Variants in RGS6 observed in about 807,000 individuals in gnomAD.
The protein encoded by RGS6 is regulator of G-protein signaling 6.
In RGS6, 30 loss-of-function variants were observed where a neutral mutation model predicts 78.5. The observed-to-expected ratio is 0.38, with a 90% CI of 0.29 to 0.52. The LOEUF is 0.52. Among genes scored for constraint, RGS6 ranks in the 20% least tolerant of loss-of-function variants. The pLI is 0.85. For synonymous variants in RGS6, 206 were observed against 206.0 expected (o/e 1.00, Z 0.00); for missense variants, 495 against 609.7 (o/e 0.81, Z 1.98).
the RGS6 span, among the ~76,000 whole-genome samples, chr14:71,894,243 T>C: frequency 6.6e-6 from 1 of 152,234 alleles, no homozygotes; most frequent in East Asian, 1.9e-4. Context: ...CCTCTCGATG[T>C]TTACGATTAA....
chr14:72,100,840 A>G (rs2153523934), intron 2 of RGS6, among the ~76,000 whole-genome samples: 1 of 152,246 alleles, frequency 6.6e-6, no homozygotes, highest in African/African-American at 2.4e-5. Flanking sequence ...TCTCTGGGAG[A>G]TGGGAGCTAG....
chr14:72,555,520 C>T (rs1039694635), intron 17 of RGS6, among the ~76,000 whole-genome samples: 2 of 152,220 alleles, frequency 1.3e-5, no homozygotes, highest in African/African-American at 4.8e-5. Context: ...GAAAATCACC[C>T]TGCATTGCCC....
At chr14:72,221,046 C>T (rs847317) in intron 2 of RGS6, among the ~76,000 whole-genome samples, 48,474 of 152,004 alleles carry the variant, frequency 0.32, 8,812 homozygotes, top group South Asian at 0.47. Context: ...TGCCTAGCTT[C>T]TAAGAGGATG....
At chr14:72,343,398 G>A (rs765956423) in intron 2 of RGS6, among the ~76,000 whole-genome samples, 1 of 152,102 alleles carries the variant, frequency 6.6e-6, no homozygotes, top group Non-Finnish European at 1.5e-5. Flanking sequence ...ACCAACTATA[G>A]CTGGGAAAGG....
chr14:72,532,485 A>G (rs1463782090), intron 15 of RGS6, among the ~76,000 whole-genome samples: 1 of 152,256 alleles, frequency 6.6e-6, no homozygotes, highest in Non-Finnish European at 1.5e-5. Flanking sequence ...GGCAAAAGGA[A>G]CAGTCGCATG....
intron 2 of RGS6, among the ~76,000 whole-genome samples, chr14:72,265,763 C>T (rs569450830): frequency 6.6e-6 from 1 of 152,284 alleles, no homozygotes; most frequent in East Asian, 1.9e-4. Context: ...TACATCCCTA[C>T]CTGAGCTAGA....
intron 2 of RGS6, among the ~76,000 whole-genome samples, chr14:72,330,325 AGG>A (rs1420172264): frequency 6.6e-6 from 1 of 152,264 alleles, no homozygotes; most frequent in East Asian, 1.9e-4. Context: ...GCAAAGGAGC[AGG>A]TATTCCAAGT....
chr14:72,499,209 GA>G (rs959444241), intron 13 of RGS6, among the ~76,000 whole-genome samples: 1 of 152,246 alleles, frequency 6.6e-6, no homozygotes, highest in African/African-American at 2.4e-5. Context: ...GAGGTGGGGA[GA>G]AAGCTAATGT....
At chr14:72,459,170 C>A (rs2153233280) in intron 5 of RGS6, among the ~76,000 whole-genome samples, 1 of 152,278 alleles carries the variant, frequency 6.6e-6, no homozygotes, top group Middle Eastern at 3.4e-3. Flanking sequence ...GACCTAATCA[C>A]CCTCCCCACC....
At chr14:71,892,178 C>T in the RGS6 span, among the ~76,000 whole-genome samples, 1 of 152,152 alleles carries the variant, frequency 6.6e-6, no homozygotes, top group Non-Finnish European at 1.5e-5. Flanking sequence ...CAACAAAACA[C>T]TACAGGCAGT....
chr14:72,062,816 A>G lies in RGS6; in HGVS notation c.84+97941A>G, dbSNP rs182304534. On this transcript the variant is annotated intron_variant, in intron 2 of 17. Transcript: ENST00000553525. ...GGTGGATTTGAATCCATGAGATTGG[A>G]TGAGATTCTTTTTTGTTTGTTTGTT... is the stretch of plus-strand genomic sequence containing the variant. Among the ~76,000 whole-genome samples the G allele has an allele frequency of 2.0e-3, 309 of 152,184 alleles. 4 individuals carry two copies. The highest frequency in any genetic ancestry group is 1.4e-3 in the Non-Finnish European group (96 of 68,004).
intron 2 of RGS6, among the ~76,000 whole-genome samples, chr14:72,339,391 A>G (rs963362938): frequency 6.6e-6 from 1 of 152,146 alleles, no homozygotes; most frequent in African/African-American, 2.4e-5. Context: ...ATAAATTTCT[A>G]TTGTTTATAA....
At chr14:72,386,448 G>A (rs984356925) in intron 3 of RGS6, among the ~76,000 whole-genome samples, 1 of 152,202 alleles carries the variant, frequency 6.6e-6, no homozygotes, top group Non-Finnish European at 1.5e-5. Flanking sequence ...TGAGGCAGGA[G>A]AATCACTTGA....
chr14:72,161,900 T>G (rs1273800362), intron 2 of RGS6, among the ~76,000 whole-genome samples: 1 of 152,268 alleles, frequency 6.6e-6, no homozygotes, highest in Non-Finnish European at 1.5e-5. Context: ...TCTTAAGTTC[T>G]GTGGGAAACC....
At chr14:71,957,690 G>A (rs1178548670) in intron 1 of RGS6, among the ~76,000 whole-genome samples, 1 of 152,154 alleles carries the variant, frequency 6.6e-6, no homozygotes, top group Non-Finnish European at 1.5e-5. Context: ...AGCATGCCCT[G>A]TTACATGGCT....
chr14:72,400,836 C>T (rs186064053), intron 3 of RGS6, among the ~76,000 whole-genome samples: 1 of 152,302 alleles, frequency 6.6e-6, no homozygotes, highest in Non-Finnish European at 1.5e-5. Context: ...ATCCAGGTTT[C>T]CCTGGTTAGA....
chr14:72,481,047 G>A (rs28735998), intron 12 of RGS6, among the ~76,000 whole-genome samples: 7,113 of 152,112 alleles, frequency 0.047, 548 homozygotes, highest in African/African-American at 0.16. Flanking sequence ...ACAGTTTAGG[G>A]GATGGGTCTG....
chr14:72,511,424 G>A lies in RGS6; in HGVS notation c.1091+1145G>A, dbSNP rs375901310. Reference sequence around the variant, plus strand: ...TTATGCTACACCTGTGCTGTATCAAGCCCTGTGAGAGTCTGCTGAGAGATG... The same window carrying A: ...TTATGCTACACCTGTGCTGTATCAAACCCTGTGAGAGTCTGCTGAGAGATG... On this transcript the variant is annotated intron_variant, in intron 14 of 17. Coordinates refer to ENST00000553525, the MANE Select transcript of RGS6 (RefSeq NM_001204424.2). Among the ~76,000 whole-genome samples, 13 of 152,364 alleles carry A rather than the reference G, an allele frequency of 8.5e-5. 1 individual carries two copies. In the South Asian group the frequency reaches 2.5e-3, roughly 29 times the overall value.
At chr14:71,897,740 C>T in the RGS6 span, among the ~76,000 whole-genome samples, 6 of 151,976 alleles carry the variant, frequency 3.9e-5, no homozygotes, top group Non-Finnish European at 5.9e-5. Flanking sequence ...AAGATGGTCT[C>T]GATCTCTTGA....
Sources: allele counts gnomAD v4.1 joint callset (sites outside exome capture counted in the v4.1 genomes callset), GRCh38; gene constraint gnomAD v4.1.1; transcripts MANE v1.5; gene names NCBI Gene and HGNC (gene_info 2026-07-23, HGNC 2026-07-21).